Variants in ZNF500 observed in about 807,000 individuals in gnomAD.
The protein encoded by ZNF500 is zinc finger protein 500, also known as zinc finger protein with KRAB and SCAN domains 18.
A neutral mutation model predicts 30.1 loss-of-function variants in ZNF500; 31 were observed. The ratio of observed to expected loss-of-function variants is 1.03; its 90% CI spans 0.77 to 1.39. ZNF500 has a LOEUF of 1.39. Among genes scored for constraint, ZNF500 ranks in the 40% most tolerant of loss-of-function variants. The pLI is 0.00. For synonymous variants in ZNF500, 392 were observed against 282.0 expected (o/e 1.39, Z -3.91); for missense variants, 817 against 657.8 (o/e 1.24, Z -2.65).
chr16:4,753,598 G>A (rs183322305), intron 5 of ZNF500, among the ~76,000 whole-genome samples: 1 of 152,224 alleles, frequency 6.6e-6, no homozygotes, highest in Non-Finnish European at 1.5e-5. Flanking sequence ...AACTTACCCA[G>A]AATCACCGGG....
rs2082096532 is a variant in ZNF500, at chr16:4,752,736, G to A, written c.1083C>T (p.Gly361=). Reference sequence around the variant, plus strand: ...TGCTGAAGTTGGAGCGGTCGCTAAAGCCCTTCCCACAGACTAGGCACTTGT... The same window carrying A: ...TGCTGAAGTTGGAGCGGTCGCTAAAACCCTTCCCACAGACTAGGCACTTGT... The part of the protein sequence containing the change: ...RPYKCLVCGK[G]FSDRSNFSTH... Residue 361 remains glycine (G), a synonymous_variant, in exon 6 of 6, where the codon GGC becomes GGT. Transcript: ENST00000219478. The A allele has an allele frequency of 6.2e-7, 1 of 1,614,236 alleles. No individual in the cohort carries two copies. The highest frequency in any genetic ancestry group is 8.5e-7 in the Non-Finnish European group (1 of 1,180,032).
At position 4,760,510 on chromosome 16, in the gene ZNF500, C is replaced by A. The variant is rs775974130; in HGVS notation, c.742G>T (p.Ala248Ser). The A allele has an allele frequency of 7.4e-6, 12 of 1,613,504 alleles. No homozygotes were observed. The highest frequency in any genetic ancestry group is 2.7e-5 in the African/African-American group (2 of 74,926). ...AAGTTACCTTCATTCTCCAGCGGCG[C>A]GTCCCGCTGAGCTGGGTCCATGCAT... ...PRCMDPAQRD[A>S]PLENEGPGIQ... The change falls in exon 5 of 6, where the codon GCG (alanine) becomes TCG (serine). Residue 248 changes from alanine to serine, a missense_variant. Coordinates refer to ENST00000219478, the MANE Select transcript of ZNF500 (RefSeq NM_021646.4).
At chr16:4,757,732 A>C (rs1452214987) in intron 5 of ZNF500, among the ~76,000 whole-genome samples, 1 of 151,390 alleles carries the variant, frequency 6.6e-6, no homozygotes, top group African/African-American at 2.4e-5. Context: ...CCTCCCGAGT[A>C]CCTGGGACTA....
At chr16:4,745,960 A>AG (rs2082010959), downstream of ZNF500, among the ~76,000 whole-genome samples, 1 of 151,858 alleles carries the variant, frequency 6.6e-6, no homozygotes, top group Admixed American at 6.6e-5. Context: ...CTCAAAAAAA[A>AG]AAAAAAAAAG....
chr16:4,762,324 G>C lies in ZNF500; in HGVS notation c.610C>G (p.Pro204Ala), dbSNP rs776375509. Residue 204 changes from proline to alanine, a missense_variant, in exon 4 of 6, where the codon CCC becomes GCC. Transcript: ENST00000219478. ...LLWPERGPPAPRHQEMASASP... is the reference protein window; with the variant it reads ...LLWPERGPPAARHQEMASASP... ...GCTGACGCCATCTCCTGATGCCGGGGAGCTGGAGGGCCTGGGAAGGAGCAG... is the reference window on the plus strand; with the variant it reads ...GCTGACGCCATCTCCTGATGCCGGGCAGCTGGAGGGCCTGGGAAGGAGCAG... 4 of 1,608,474 alleles carry C rather than the reference G, an allele frequency of 2.5e-6. No homozygotes were observed. Among genetic ancestry groups the C allele is most frequent in the South Asian group, 2.2e-5 (2 of 90,160 alleles).
chr16:4,754,063 A>G lies in ZNF500; in HGVS notation c.761-1005T>C, dbSNP rs374092716. The stretch of plus-strand genomic sequence containing the variant: ...TTCTCTGCTCTTCCTTTGCAGCATG[A>G]GGGTGACTGCAGCTGGGGACCTGGT... On this transcript the variant is annotated intron_variant, in intron 5 of 5. Coordinates refer to ENST00000219478, the MANE Select transcript of ZNF500 (RefSeq NM_021646.4). Among the ~76,000 whole-genome samples, 160 of 152,304 alleles carry G rather than the reference A, an allele frequency of 1.1e-3. 2 individuals are homozygous for G. Among genetic ancestry groups the G allele is most frequent in the African/African-American group, 3.8e-3 (158 of 41,566 alleles).
intron 5 of ZNF500, among the ~76,000 whole-genome samples, chr16:4,756,811 C>T (rs2082139704): frequency 6.6e-6 from 1 of 152,020 alleles, no homozygotes; most frequent in South Asian, 2.1e-4. Context: ...ACACCGTGCC[C>T]GGCCCAAAAA....
chr16:4,765,215 T>C (rs928542136), intron 2 of ZNF500, among the ~76,000 whole-genome samples: 1 of 152,006 alleles, frequency 6.6e-6, no homozygotes, highest in Non-Finnish European at 1.5e-5. Context: ...GTGGGAGGAT[T>C]GCTTGAAGCC....
downstream of ZNF500, chr16:4,747,713 G>C: frequency 6.9e-7 from 1 of 1,443,936 alleles, no homozygotes; most frequent in Non-Finnish European, 9.2e-7. Flanking sequence ...TGTTGTTCCT[G>C]CATTTCCACT....
At chr16:4,754,381 C>T (rs1312894620) in intron 5 of ZNF500, among the ~76,000 whole-genome samples, 1 of 151,940 alleles carries the variant, frequency 6.6e-6, no homozygotes, top group Non-Finnish European at 1.5e-5. Context: ...GAGAGGAGGC[C>T]GGGCATGGTG....
chr16:4,747,730 G>C (rs1018191050), downstream of ZNF500: 2 of 1,385,290 alleles, frequency 1.4e-6, no homozygotes, highest in Admixed American at 2.6e-5. Flanking sequence ...CACTAGCAGG[G>C]GCATTCCAGA....
Position 4,752,524 on chromosome 16 carries a change from G to A in ZNF500, c.1295C>T (p.Thr432Ile), listed in dbSNP as rs1018032591. The A allele has an allele frequency of 6.4e-7, 1 of 1,561,510 alleles. No individual in the cohort carries two copies. Among genetic ancestry groups the A allele is most frequent in the Non-Finnish European group, 8.6e-7 (1 of 1,158,204 alleles). Residue 432 changes from threonine to isoleucine, a missense_variant, in exon 6 of 6, where the codon ACA (threonine) becomes ATA (isoleucine). Coordinates refer to ENST00000219478, the MANE Select transcript of ZNF500 (RefSeq NM_021646.4). Reference protein sequence around the residue: ...SHFSAHRRTHTGEKPYTCPAC... With the variant: ...SHFSAHRRTHIGEKPYTCPAC... Reference sequence around the variant, plus strand: ...CGGGCAGGTGTAGGGCTTCTCACCTGTGTGCGTCCGGCGGTGGGCGCTGAA... The same window carrying A: ...CGGGCAGGTGTAGGGCTTCTCACCTATGTGCGTCCGGCGGTGGGCGCTGAA...
downstream of ZNF500, chr16:4,746,934 C>T: frequency 6.4e-7 from 1 of 1,559,716 alleles, no homozygotes; most frequent in Non-Finnish European, 8.7e-7. Flanking sequence ...CAGCTCCAGC[C>T]ACAGCTCCTC....
Position 4,752,044 on chromosome 16 carries a change from G to C in ZNF500, c.*332C>G. The C allele has an allele frequency of 7.8e-7, 1 of 1,280,648 alleles. No individual in the cohort carries two copies. The highest frequency in any genetic ancestry group is 3.3e-5 in the East Asian group (1 of 30,034). 79.3% of individuals were successfully genotyped at this position (1,280,648 alleles called of 1,614,324 possible). On this transcript the variant is annotated 3_prime_UTR_variant, in exon 6 of 6. Transcript: ENST00000219478. ...CCACTGGATGCTGGAGGCAGCTGAT[G>C]GACCCTCCCAGGCCCTTCAGGAGCC...
chr16:4,762,993 T>TTACTTA, intron 2 of ZNF500: 1 of 985,388 alleles, frequency 1.0e-6, no homozygotes, highest in Non-Finnish European at 1.2e-6. Context: ...ATTCTTACCC[T>TTACTTA]CTATTCCTTG....
chr16:4,751,525 G>A lies in ZNF500; in HGVS notation c.*851C>T, dbSNP rs926518063. On this transcript the variant is annotated 3_prime_UTR_variant, in exon 6 of 6. Coordinates refer to ENST00000219478, the MANE Select transcript of ZNF500 (RefSeq NM_021646.4). Reference sequence around the variant, plus strand: ...GGGGACTGGAATGCTGCAGAGCCCCGGGCTCCATTTGGAAACTCTGGCAGG... The same window carrying A: ...GGGGACTGGAATGCTGCAGAGCCCCAGGCTCCATTTGGAAACTCTGGCAGG... 47 of 1,512,382 alleles carry A rather than the reference G, an allele frequency of 3.1e-5. No homozygotes were observed. Among genetic ancestry groups the A allele is most frequent in the South Asian group, 1.7e-4 (14 of 82,224 alleles). 93.7% of individuals were successfully genotyped at this position (1,512,382 alleles called of 1,614,324 possible). A position where few individuals can be genotyped will look rare whatever the true frequency, so the allele number is the denominator to read the frequency against.
At position 4,751,386 on chromosome 16, in the gene ZNF500, T is replaced by A; in HGVS notation, c.*990A>T. ...CAAACGCAGCCCTGGGCCCCGGCCC[T>A]GGGGAGATGTCAGGCCCGTCACATC... On this transcript the variant is annotated 3_prime_UTR_variant, in exon 6 of 6. Coordinates refer to ENST00000219478, the MANE Select transcript of ZNF500 (RefSeq NM_021646.4). 3.4e-6 allele frequency: 2 copies of A among 586,552 alleles called. No homozygotes were observed. The highest frequency in any genetic ancestry group is 3.0e-6 in the Non-Finnish European group (1 of 338,634). The allele number at this position is 586,552 out of a possible 1,614,324, so 36.3% of individuals were successfully genotyped here.
intron 5 of ZNF500, among the ~76,000 whole-genome samples, chr16:4,757,891 C>A (rs994040859): frequency 7.1e-6 from 1 of 140,454 alleles, no homozygotes; most frequent in Non-Finnish European, 1.5e-5. Flanking sequence ...TGTGAGCCAC[C>A]GCGCCAGCCA....
chr16:4,749,133 C>T lies in ZNF500; in HGVS notation c.*3243G>A, dbSNP rs961007795. 9 of 153,204 alleles carry T rather than the reference C, an allele frequency of 5.9e-5. No individual in the cohort carries two copies. Among genetic ancestry groups the T allele is most frequent in the Middle Eastern group, 1.3e-3 (1 of 800 alleles). 9.5% of individuals were successfully genotyped at this position (153,204 alleles called of 1,614,324 possible). On this transcript the variant is annotated 3_prime_UTR_variant, in exon 6 of 6. Transcript: ENST00000219478. ...CCTGTAGGGCACAAGGCCAGGCTGC[C>T]TCCCAGCCCCCAGGCCCTCTCCCAC...
Sources: allele counts gnomAD v4.1 joint callset (sites outside exome capture counted in the v4.1 genomes callset), GRCh38; gene constraint gnomAD v4.1.1; transcripts MANE v1.5; gene names NCBI Gene and HGNC (gene_info 2026-07-23, HGNC 2026-07-21).